The following MIPOL1 variants were observed in gnomAD, a reference collection of about 807,000 sequenced individuals.
The protein encoded by MIPOL1 is mirror-image polydactyly 1.
MIPOL1 carries 57 observed loss-of-function variants against 60.9 expected under a neutral mutation model. The observed-to-expected ratio is 0.94, with a 90% CI of 0.76 to 1.17. The LOEUF (loss-of-function observed/expected upper bound fraction) is 1.17. Among genes scored for constraint, MIPOL1 ranks in the 50% most tolerant of loss-of-function variants. The pLI is 0.00. For missense variants in MIPOL1, 551 were observed against 511.6 expected, an observed-to-expected ratio of 1.08 and a Z score of -0.74; for synonymous variants, 179 against 168.8, an observed-to-expected ratio of 1.06 and a Z score of -0.47.
intron 10 of MIPOL1, among the ~76,000 whole-genome samples, chr14:37,404,293 A>G (rs935246107): frequency 2.6e-5 from 4 of 152,192 alleles, no homozygotes; most frequent in Admixed American, 2.6e-4. Context: ...TGCTTCTACC[A>G]GTCACCTAGG....
chr14:37,257,342 G>GCTA (rs1975131708), intron 3 of MIPOL1, among the ~76,000 whole-genome samples: 1 of 151,846 alleles, frequency 6.6e-6, no homozygotes, highest in Non-Finnish European at 1.5e-5. Context: ...ATACTTTTGA[G>GCTA]CTACTGCTTA....
intron 1 of MIPOL1, among the ~76,000 whole-genome samples, chr14:37,238,027 C>T (rs142917246): frequency 3.9e-5 from 6 of 152,152 alleles, no homozygotes; most frequent in South Asian, 2.1e-4. Context: ...AGTACAATAG[C>T]GCGATCATAG....
At chr14:37,479,048 T>C (rs2094821145) in intron 11 of MIPOL1, among the ~76,000 whole-genome samples, 1 of 152,110 alleles carries the variant, frequency 6.6e-6, no homozygotes, top group African/African-American at 2.4e-5. Flanking sequence ...AATTGCAACA[T>C]AATAATAGCA....
intron 10 of MIPOL1, among the ~76,000 whole-genome samples, chr14:37,405,370 A>T (rs2093567046): frequency 1.3e-5 from 2 of 152,158 alleles, no homozygotes; most frequent in Non-Finnish European, 2.9e-5. Flanking sequence ...AGTCAGGTTC[A>T]TCAAAGCCTC....
chr14:37,469,935 A>G (rs2094658037), intron 11 of MIPOL1, among the ~76,000 whole-genome samples: 1 of 152,182 alleles, frequency 6.6e-6, no homozygotes, highest in Non-Finnish European at 1.5e-5. Context: ...TTTCTGTTAT[A>G]GCCACAGAAA....
At chr14:37,272,652 T>C (rs2083379528) in intron 6 of MIPOL1, among the ~76,000 whole-genome samples, 1 of 151,640 alleles carries the variant, frequency 6.6e-6, no homozygotes. Context: ...TGATGACATC[T>C]AATGAATTCT....
At chr14:37,261,574 T>C (rs1356213650) in intron 3 of MIPOL1, among the ~76,000 whole-genome samples, 3 of 152,074 alleles carry the variant, frequency 2.0e-5, no homozygotes, top group South Asian at 4.1e-4. Flanking sequence ...GATATAAATT[T>C]GAATTGTAAG....
intron 12 of MIPOL1, among the ~76,000 whole-genome samples, chr14:37,541,767 C>T (rs1026775661): frequency 2.6e-5 from 4 of 152,160 alleles, no homozygotes; most frequent in Non-Finnish European, 5.9e-5. Flanking sequence ...TTTCTACCTC[C>T]GTTCTTTTAG....
At chr14:37,405,413 C>T (rs1047020468) in intron 10 of MIPOL1, among the ~76,000 whole-genome samples, 4 of 152,100 alleles carry the variant, frequency 2.6e-5, no homozygotes, top group African/African-American at 9.7e-5. Context: ...TAATTGTCAT[C>T]TCTTAAAAAC....
intron 6 of MIPOL1, among the ~76,000 whole-genome samples, chr14:37,281,962 G>A (rs1412446723): frequency 6.6e-6 from 1 of 151,848 alleles, no homozygotes; most frequent in African/African-American, 2.4e-5. Context: ...ATGTGTTTGT[G>A]CATGTGTGTT....
chr14:37,503,176 T>C (rs190680668), intron 12 of MIPOL1: 2 of 152,338 alleles, frequency 1.3e-5, no homozygotes, highest in Admixed American at 1.3e-4. Flanking sequence ...TGAAACCAAG[T>C]TGGAGAACAC....
At chr14:37,221,662 AC>A (rs1462784391) in intron 1 of MIPOL1, among the ~76,000 whole-genome samples, 1 of 152,182 alleles carries the variant, frequency 6.6e-6, no homozygotes, top group African/African-American at 2.4e-5. Flanking sequence ...ACACTTTAAA[AC>A]AACCAGATCT....
At chr14:37,319,537 A>G (rs1306133937) in intron 9 of MIPOL1, among the ~76,000 whole-genome samples, 1 of 152,158 alleles carries the variant, frequency 6.6e-6, no homozygotes, top group Non-Finnish European at 1.5e-5. Context: ...TAATATGAAC[A>G]TAAGTCTGAG....
chr14:37,320,194 G>C (rs2088417494), intron 9 of MIPOL1, among the ~76,000 whole-genome samples: 2 of 152,110 alleles, frequency 1.3e-5, no homozygotes, highest in African/African-American at 2.4e-5. Flanking sequence ...CAAAAGAAAA[G>C]AATAGTTGAG....
chr14:37,440,773 G>A (rs1339132447), intron 11 of MIPOL1, among the ~76,000 whole-genome samples: 1 of 152,046 alleles, frequency 6.6e-6, no homozygotes, highest in African/African-American at 2.4e-5. Flanking sequence ...CTTTAGGTAG[G>A]TACCAAGTAG....
intron 7 of MIPOL1, among the ~76,000 whole-genome samples, chr14:37,305,100 C>T (rs2086672078): frequency 6.6e-6 from 1 of 151,868 alleles, no homozygotes; most frequent in East Asian, 1.9e-4. Context: ...CCATGTATAG[C>T]TGTTTCAAAT....
chr14:37,254,329 G>A (rs922612425), intron 3 of MIPOL1, among the ~76,000 whole-genome samples: 5 of 151,680 alleles, frequency 3.3e-5, no homozygotes, highest in Non-Finnish European at 5.9e-5. Context: ...ATGTTTACAA[G>A]GGCAACTTAG....
At chr14:37,381,095 G>A (rs940269939) in intron 10 of MIPOL1, among the ~76,000 whole-genome samples, 1 of 152,126 alleles carries the variant, frequency 6.6e-6, no homozygotes, top group East Asian at 1.9e-4. Context: ...GTGGTAGAAT[G>A]AAATTGTTTT....
intron 9 of MIPOL1, among the ~76,000 whole-genome samples, chr14:37,314,281 T>A (rs1425870906): frequency 6.6e-6 from 1 of 152,130 alleles, no homozygotes; most frequent in Non-Finnish European, 1.5e-5. Context: ...AGAAAACCCA[T>A]GGAAGAATCA....
Sources: gnomAD v4.1 joint callset for allele counts (sites outside exome capture counted in the v4.1 genomes callset) on GRCh38, gnomAD v4.1.1 for gene constraint, MANE v1.5 for transcripts, NCBI Gene and HGNC (gene_info 2026-07-23, HGNC 2026-07-21) for gene names.